WWOX: variants seen among roughly 807,000 people sequenced by gnomAD.
WWOX encodes WW domain-containing oxidoreductase.
In WWOX, 69 loss-of-function variants were observed where a neutral mutation model predicts 46.2. The ratio of observed to expected loss-of-function variants is 1.49; its 90% CI spans 1.23 to 1.82. WWOX has a LOEUF of 1.82. Ranked by LOEUF, WWOX falls within the 40% of genes most tolerant of loss-of-function variation. WWOX has a pLI of 0.00. For synonymous variants in WWOX, 359 were observed against 202.6 expected (o/e 1.77, Z -6.56); for missense variants, 919 against 542.6 (o/e 1.69, Z -6.89).
intron 8 of WWOX, among the ~76,000 whole-genome samples, chr16:78,672,958 G>C (rs1315537814): frequency 6.6e-6 from 1 of 152,254 alleles, no homozygotes; most frequent in Non-Finnish European, 1.5e-5. Context: ...ATCCATAAGA[G>C]GGCAAGGCTG....
chr16:78,251,683 A>C (rs191817706), intron 5 of WWOX, among the ~76,000 whole-genome samples: 1 of 152,208 alleles, frequency 6.6e-6, no homozygotes, highest in Non-Finnish European at 1.5e-5. Flanking sequence ...TTGGGAACAC[A>C]TGGTGTCCTT....
chr16:78,892,538 A>T (rs893144939), intron 8 of WWOX, among the ~76,000 whole-genome samples: 4 of 152,218 alleles, frequency 2.6e-5, no homozygotes, highest in Non-Finnish European at 4.4e-5. Context: ...GCTGGACGAC[A>T]ACATTCTTGT....
intron 8 of WWOX, among the ~76,000 whole-genome samples, chr16:78,498,449 G>A (rs2151471633): frequency 6.6e-6 from 1 of 152,192 alleles, no homozygotes; most frequent in East Asian, 1.9e-4. Flanking sequence ...AACCACACAT[G>A]GCCTGCTCAC....
chr16:78,948,885 A>C (rs1383655810), intron 8 of WWOX, among the ~76,000 whole-genome samples: 1 of 152,140 alleles, frequency 6.6e-6, no homozygotes, highest in African/African-American at 2.4e-5. Context: ...CCTTCAAAGC[A>C]GAAGGGGAAG....
At chr16:78,773,386 G>A (rs762687489) in intron 8 of WWOX, among the ~76,000 whole-genome samples, 48 of 152,106 alleles carry the variant, frequency 3.2e-4, no homozygotes, top group Admixed American at 2.2e-3. Flanking sequence ...CCATCCTCTG[G>A]TCCCACCCAT....
At chr16:79,071,922 C>G (rs76181705) in intron 8 of WWOX, among the ~76,000 whole-genome samples, 6,445 of 152,258 alleles carry the variant, frequency 0.042, 263 homozygotes, top group East Asian at 0.12. Flanking sequence ...GGTGGCCAAA[C>G]CTTGTGTGAG....
chr16:78,384,901 C>T (rs376755511), intron 5 of WWOX, among the ~76,000 whole-genome samples: 93 of 151,928 alleles, frequency 6.1e-4, no homozygotes, highest in Admixed American at 2.2e-3. Context: ...TTTCGGAGGC[C>T]GGGGTGGGTG....
At chr16:78,773,190 C>G (rs1464508588) in intron 8 of WWOX, among the ~76,000 whole-genome samples, 1 of 152,152 alleles carries the variant, frequency 6.6e-6, no homozygotes. Context: ...AGTGCCTAAA[C>G]ATTTGTTGGG....
chr16:79,174,105 C>G (rs2050753814), intron 8 of WWOX, among the ~76,000 whole-genome samples: 1 of 152,086 alleles, frequency 6.6e-6, no homozygotes, highest in African/African-American at 2.4e-5. Context: ...GGGCTTGGTT[C>G]CCATGGCTTT....
intron 8 of WWOX, among the ~76,000 whole-genome samples, chr16:78,969,219 A>C (rs1160405229): frequency 2.0e-5 from 3 of 151,542 alleles, no homozygotes; most frequent in Admixed American, 6.6e-5. Flanking sequence ...TCAGGGGACA[A>C]AGTCAAGAAA....
At chr16:78,470,804 C>T (rs1025718895) in intron 8 of WWOX, among the ~76,000 whole-genome samples, 2 of 152,190 alleles carry the variant, frequency 1.3e-5, no homozygotes, top group Non-Finnish European at 1.5e-5. Context: ...GCTGGGATTA[C>T]AGTCATGAGT....
intron 8 of WWOX, among the ~76,000 whole-genome samples, chr16:78,768,174 T>G (rs1044696322): frequency 2.0e-5 from 3 of 147,998 alleles, no homozygotes; most frequent in Non-Finnish European, 4.5e-5. Context: ...GTCGGTTATT[T>G]TATAAGCAAA....
chr16:78,623,505 C>T (rs772439475), intron 8 of WWOX, among the ~76,000 whole-genome samples: 2 of 152,094 alleles, frequency 1.3e-5, no homozygotes, highest in Admixed American at 6.6e-5. Context: ...CATGCTGAAA[C>T]CCCATCTCTA....
chr16:78,341,291 C>T lies in WWOX; in HGVS notation c.517-45569C>T, dbSNP rs1222004096. Among the ~76,000 whole-genome samples the T allele has an allele frequency of 5.8e-5, 7 of 120,122 alleles. 2 individuals are homozygous for T. Among genetic ancestry groups the T allele is most frequent in the Non-Finnish European group, 1.4e-4 (7 of 50,424 alleles). 78.8% of individuals were successfully genotyped at this position (120,122 alleles called of 152,430 possible). A position where few individuals can be genotyped will look rare whatever the true frequency, so the allele number is the denominator to read the frequency against. On this transcript the variant is annotated intron_variant, in intron 5 of 8. Transcript: ENST00000566780. ...AACTGCTGGGATTATAGGCATGAAT[C>T]GCTGTGCCTGGCCTCAACTTTAAAT...
At position 78,528,933 on chromosome 16, in the gene WWOX, T is replaced by TTTTTC. The variant is rs922664679; in HGVS notation, c.1056+96195_1056+96199dup. ...AAAACTTTCTTTTTTTTTTCTTTCC[T>TTTTTC]TTTTCTTTTCTTTTCTTTCTTTCTT... On this transcript the variant is annotated intron_variant, in intron 8 of 8. Coordinates refer to ENST00000566780, the MANE Select transcript of WWOX (RefSeq NM_016373.4). Among the ~76,000 whole-genome samples the TTTTTC allele has an allele frequency of 5.0e-3, 760 of 151,160 alleles. 9 individuals carry two copies. Among genetic ancestry groups the TTTTTC allele is most frequent in the African/African-American group, 0.018 (734 of 40,984 alleles).
chr16:78,602,225 C>T (rs1427156699), intron 8 of WWOX, among the ~76,000 whole-genome samples: 1 of 152,116 alleles, frequency 6.6e-6, no homozygotes, highest in Admixed American at 6.6e-5. Context: ...CTGTTCTCTT[C>T]TGGATAGATC....
intron 5 of WWOX, among the ~76,000 whole-genome samples, chr16:78,331,844 G>A (rs529224898): frequency 6.6e-6 from 1 of 152,254 alleles, no homozygotes; most frequent in Non-Finnish European, 1.5e-5. Flanking sequence ...TTCCAACAAC[G>A]TGTCAGATGT....
chr16:78,338,400 C>T (rs2080941120), intron 5 of WWOX, among the ~76,000 whole-genome samples: 1 of 120,600 alleles, frequency 8.3e-6, no homozygotes, highest in African/African-American at 2.8e-5. Context: ...CAATATTATC[C>T]TTGCAAAATT....
intron 8 of WWOX, among the ~76,000 whole-genome samples, chr16:79,183,998 A>G (rs2050964301): frequency 6.6e-6 from 1 of 151,842 alleles, no homozygotes; most frequent in Non-Finnish European, 1.5e-5. Context: ...AACTCTCCTC[A>G]CCTCTGTGAC....
Sources: allele counts gnomAD v4.1 joint callset (sites outside exome capture counted in the v4.1 genomes callset), GRCh38; gene constraint gnomAD v4.1.1; transcripts MANE v1.5; gene names NCBI Gene and HGNC (gene_info 2026-07-23, HGNC 2026-07-21).